Variants in VOPP1 observed in about 807,000 individuals in gnomAD.
VOPP1 encodes the protein WW domain binding protein VOPP1.
In VOPP1, 8 loss-of-function variants were observed where a neutral mutation model predicts 23.5. That is an observed-to-expected ratio of 0.34 (90% CI 0.20 to 0.61). The LOEUF (loss-of-function observed/expected upper bound fraction) is 0.61. Among genes scored for constraint, VOPP1 ranks in the 20% least tolerant of loss-of-function variants. The pLI is 0.78. For missense variants in VOPP1, 174 were observed against 238.1 expected (o/e 0.73, Z 1.77); for synonymous variants, 83 against 97.3 (o/e 0.85, Z 0.86).
downstream of VOPP1, among the ~76,000 whole-genome samples, chr7:55,468,771 G>A (rs1173643414): frequency 1.3e-5 from 2 of 152,192 alleles, no homozygotes; most frequent in African/African-American, 4.8e-5. Context: ...TAAGGGAGGA[G>A]TGAAGCCCCA....
At chr7:55,547,478 A>G (rs1457169788) in intron 1 of VOPP1, among the ~76,000 whole-genome samples, 3 of 152,134 alleles carry the variant, frequency 2.0e-5, no homozygotes, top group African/African-American at 7.2e-5. Flanking sequence ...ATACCAATAA[A>G]CCTTGCCAAC....
At chr7:55,435,079 C>T (rs1371963972), downstream of VOPP1, among the ~76,000 whole-genome samples, 1 of 152,236 alleles carries the variant, frequency 6.6e-6, no homozygotes, top group Non-Finnish European at 1.5e-5. Context: ...CCAGGCTCTG[C>T]GCCGCGACTT....
At chr7:55,455,006 G>A (rs1387885392) in intron 4 of VOPP1, among the ~76,000 whole-genome samples, 1 of 152,164 alleles carries the variant, frequency 6.6e-6, no homozygotes, top group Non-Finnish European at 1.5e-5. Context: ...TAGGAAAAGA[G>A]GAAGTCAAAT....
At chr7:55,512,117 C>T (rs1795107727) in intron 2 of VOPP1, among the ~76,000 whole-genome samples, 1 of 152,152 alleles carries the variant, frequency 6.6e-6, no homozygotes, top group African/African-American at 2.4e-5. Context: ...AGCATAGTCA[C>T]AATGTACAGT....
chr7:55,528,864 C>A (rs531741708), intron 1 of VOPP1, among the ~76,000 whole-genome samples: 1 of 152,212 alleles, frequency 6.6e-6, no homozygotes, highest in African/African-American at 2.4e-5. Context: ...GAAAGTTTAT[C>A]ATGGAAAATG....
intron 1 of VOPP1, among the ~76,000 whole-genome samples, chr7:55,540,284 G>A (rs141313675): frequency 0.015 from 2,327 of 151,964 alleles, 64 homozygotes; most frequent in African/African-American, 0.052. Context: ...TGTAGTCCCA[G>A]CTACCCGGGA....
intron 1 of VOPP1, among the ~76,000 whole-genome samples, chr7:55,568,280 C>T (rs1798230160): frequency 6.6e-6 from 1 of 152,020 alleles, no homozygotes; most frequent in Admixed American, 6.5e-5. Flanking sequence ...GGGCTTTCAC[C>T]GTGTTAGCCA....
intron 4 of VOPP1, among the ~76,000 whole-genome samples, chr7:55,457,596 C>T (rs1398356782): frequency 6.6e-6 from 1 of 150,616 alleles, no homozygotes; most frequent in Non-Finnish European, 1.5e-5. Flanking sequence ...TAAGAGTTCC[C>T]TTTTCTCCAT....
At chr7:55,503,040 C>T (rs572868333) in intron 2 of VOPP1, among the ~76,000 whole-genome samples, 1 of 152,268 alleles carries the variant, frequency 6.6e-6, no homozygotes, top group South Asian at 2.1e-4. Context: ...AGACATGGGC[C>T]CCTGGACTTA....
intron 2 of VOPP1, among the ~76,000 whole-genome samples, chr7:55,509,452 T>C (rs1279958784): frequency 6.6e-6 from 1 of 152,170 alleles, no homozygotes; most frequent in African/African-American, 2.4e-5. Flanking sequence ...CCCTGCAACC[T>C]CTTTTGTAAT....
intron 4 of VOPP1, among the ~76,000 whole-genome samples, chr7:55,491,025 C>A (rs554970733): frequency 6.6e-6 from 1 of 152,102 alleles, no homozygotes; most frequent in East Asian, 1.9e-4. Flanking sequence ...ACATTCAATC[C>A]CTCTACTTCT....
intron 2 of VOPP1, among the ~76,000 whole-genome samples, chr7:55,508,064 T>G (rs1010961768): frequency 2.0e-5 from 3 of 152,220 alleles, no homozygotes; most frequent in African/African-American, 7.2e-5. Flanking sequence ...ATTTCTACCA[T>G]GGGAGAAAGC....
chr7:55,470,744 G>A lies in VOPP1; in HGVS notation c.*2111C>T, dbSNP rs3894997. On this transcript the variant is annotated 3_prime_UTR_variant, in exon 5 of 5. Transcript: ENST00000285279. ...CTGCTTCAAGTTTACTCTGAACCAC[G>A]GACGCTCCGGGAATTCTACACACCA... is the stretch of plus-strand genomic sequence containing the variant. 6.6e-6 allele frequency: 1 copy of A among 152,282 alleles called. No individual in the cohort carries two copies. The highest frequency in any genetic ancestry group is 6.5e-5 in the Admixed American group (1 of 15,272). 9.4% of individuals were successfully genotyped at this position (152,282 alleles called of 1,614,324 possible). A position where few individuals can be genotyped will look rare whatever the true frequency, so the allele number is the denominator to read the frequency against.
At chr7:55,542,605 C>G (rs1797180807) in intron 1 of VOPP1, among the ~76,000 whole-genome samples, 1 of 152,114 alleles carries the variant, frequency 6.6e-6, no homozygotes, top group African/African-American at 2.4e-5. Context: ...GCCTGGCCAA[C>G]ATGGTGAAGG....
At chr7:55,436,617 A>T (rs944646533) in intron 4 of VOPP1, among the ~76,000 whole-genome samples, 3 of 146,542 alleles carry the variant, frequency 2.0e-5, no homozygotes, top group South Asian at 2.2e-4. Context: ...TGTGTGCATG[A>T]GTGTGTGTGT....
chr7:55,451,855 A>C (rs1020620278), intron 4 of VOPP1, among the ~76,000 whole-genome samples: 1 of 152,152 alleles, frequency 6.6e-6, no homozygotes, highest in African/African-American at 2.4e-5. Flanking sequence ...AGTGGGTCAT[A>C]ATCTTTTTGC....
At chr7:55,506,179 T>C (rs1394737794) in intron 2 of VOPP1, among the ~76,000 whole-genome samples, 4 of 152,224 alleles carry the variant, frequency 2.6e-5, no homozygotes, top group Non-Finnish European at 4.4e-5. Context: ...GGCACACTGG[T>C]GCCCAGGGCA....
At chr7:55,516,097 C>T in intron 2 of VOPP1, 4 of 803,090 alleles carry the variant, frequency 5.0e-6, no homozygotes, top group Non-Finnish European at 6.0e-6. Context: ...CAGCCACTTG[C>T]TATTTTTAAA....
At chr7:55,499,578 G>C (rs1583930443) in intron 2 of VOPP1, among the ~76,000 whole-genome samples, 2 of 152,236 alleles carry the variant, frequency 1.3e-5, no homozygotes, top group Non-Finnish European at 2.9e-5. Flanking sequence ...AACTGTGTTA[G>C]ACAGTAATAA....
Sources: gnomAD v4.1 joint callset for allele counts (sites outside exome capture counted in the v4.1 genomes callset) on GRCh38, gnomAD v4.1.1 for gene constraint, MANE v1.5 for transcripts, NCBI Gene and HGNC (gene_info 2026-07-23, HGNC 2026-07-21) for gene names.